NOTCH2: variants seen among roughly 807,000 people sequenced by gnomAD.
NOTCH2 encodes the protein notch receptor 2.
Under a neutral mutation model 235.8 loss-of-function variants are expected in NOTCH2, and 29 were observed. The ratio of observed to expected loss-of-function variants is 0.12; its 90% CI spans 0.09 to 0.17. The LOEUF (loss-of-function observed/expected upper bound fraction) is 0.17, where lower values mean the gene tolerates loss of function less well. Among genes scored for constraint, NOTCH2 ranks in the 10% least tolerant of loss-of-function variants. The pLI is 1.00. For synonymous variants in NOTCH2, 1,086 were observed against 1,141.5 expected (o/e 0.95, Z 0.98); for missense variants, 2,285 against 3,150.2 (o/e 0.73, Z 6.57).
At chr1:119,959,003 G>A (rs1553198689) in intron 12 of NOTCH2, among the ~76,000 whole-genome samples, 1 of 151,998 alleles carries the variant, frequency 6.6e-6, no homozygotes, top group Admixed American at 6.6e-5. Flanking sequence ...TCAAAGAGGA[G>A]GTACCCAGAA....
chr1:119,979,547 C>T (rs1570711510), intron 5 of NOTCH2, among the ~76,000 whole-genome samples: 1 of 152,254 alleles, frequency 6.6e-6, no homozygotes, highest in East Asian at 1.9e-4. Flanking sequence ...ATGGGTCCAA[C>T]ATGTAACTCC....
chr1:120,069,343 G>A lies in NOTCH2; in HGVS notation c.64C>T (p.Pro22Ser), dbSNP rs868921483. 1.2e-5 allele frequency: 19 copies of A among 1,569,862 alleles called. No individual in the cohort carries two copies. Among genetic ancestry groups the A allele is most frequent in the Non-Finnish European group, 1.5e-5 (17 of 1,166,546 alleles). The stretch of plus-strand genomic sequence containing the variant: ...TCAGCCCGATACTCACCATGCGCGG[G>A]GGCCGCGCAGCACAGCCAGAGCGCC... ...LLALWLCCAA[P>S]AHALQCRDGY... is the part of the protein sequence containing the mutation. Residue 22 changes from proline to serine, a missense_variant, in exon 1 of 34, where the codon CCC (proline) becomes TCC (serine). Physicochemically the swap from Pro to Ser is moderately conservative, Grantham distance 74 (BLOSUM62 -1). Around this residue, in one of 6 missense-constraint regions of NOTCH2, gnomAD observed 37 missense variants for 31.4 expected, o/e 1.18. Coordinates refer to ENST00000256646, the MANE Select transcript of NOTCH2 (RefSeq NM_024408.4).
rs1392835538 is a variant in NOTCH2, at chr1:119,937,924, T to C, written c.3270A>G (p.Pro1090=). The C allele has an allele frequency of 3.1e-6, 5 of 1,614,198 alleles. No homozygotes were observed. The East Asian group carries it at 8.9e-5, about 29-fold the overall frequency. ...CACAATAGGCACCAGCCCATCCAGA[T>C]GGACATAGGCACTGGGACTCTGCTT... ...QKKAESQCLC[P]SGWAGAYCDV... is the part of the protein sequence containing the mutation. The change falls in exon 20 of 34, where the codon CCA becomes CCG. Residue 1090 remains proline (P), a synonymous_variant. Transcript: ENST00000256646.
At chr1:119,923,300 A>C (rs1430036195) in intron 26 of NOTCH2, among the ~76,000 whole-genome samples, 1 of 152,156 alleles carries the variant, frequency 6.6e-6, no homozygotes, top group African/African-American at 2.4e-5. Context: ...ATATATTCTA[A>C]AGAAGGGCCT....
At chr1:120,063,563 C>T (rs1275837541) in intron 1 of NOTCH2, among the ~76,000 whole-genome samples, 1 of 152,200 alleles carries the variant, frequency 6.6e-6, no homozygotes, top group African/African-American at 2.4e-5. Context: ...AACAACTTTA[C>T]TAACCTTATA....
chr1:119,985,718 T>C (rs988761278), intron 5 of NOTCH2, among the ~76,000 whole-genome samples: 1 of 152,190 alleles, frequency 6.6e-6, no homozygotes, highest in East Asian at 1.9e-4. Flanking sequence ...CTATATGTCA[T>C]GTAATTAACT....
Position 119,940,582 on chromosome 1 carries a change from G to A in NOTCH2, c.3156C>T (p.Pro1052=). 5 of 1,613,932 alleles carry A rather than the reference G, an allele frequency of 3.1e-6. No homozygotes were observed. Among genetic ancestry groups the A allele is most frequent in the African/African-American group, 2.7e-5 (2 of 75,028 alleles). ...GACAGTTTTTCCCAGTGTAGCCCAG[G>A]GGGCAGCTGCAGCGGTAGGTACCCA... is the stretch of plus-strand genomic sequence containing the variant. ...DGLGTYRCSC[P]LGYTGKNCQT... The change falls in exon 19 of 34, where the codon CCC becomes CCT. Residue 1052 remains proline, a synonymous_variant. Transcript: ENST00000256646.
chr1:120,011,071 C>T (rs1298106384), intron 2 of NOTCH2, among the ~76,000 whole-genome samples: 2 of 152,016 alleles, frequency 1.3e-5, no homozygotes, highest in South Asian at 2.1e-4. Context: ...TATGCAAAAC[C>T]GTAGAGATAG....
intron 12 of NOTCH2, among the ~76,000 whole-genome samples, chr1:119,958,038 G>A (rs1444173956): frequency 6.6e-6 from 1 of 151,992 alleles, no homozygotes; most frequent in Non-Finnish European, 1.5e-5. Context: ...TCTCAACGTC[G>A]GTGACAATTG....
intron 2 of NOTCH2, among the ~76,000 whole-genome samples, chr1:120,011,064 G>A (rs1653171320): frequency 6.6e-6 from 1 of 152,190 alleles, no homozygotes; most frequent in African/African-American, 2.4e-5. Flanking sequence ...TCCAGAATAT[G>A]CAAAACCGTA....
At chr1:120,031,334 G>GTAA (rs67591397) in intron 1 of NOTCH2, among the ~76,000 whole-genome samples, 1 of 137,268 alleles carries the variant, frequency 7.3e-6, no homozygotes. Context: ...AATGGTAATA[G>GTAA]TAATAATAAT....
chr1:119,920,087 T>G (rs940313963), intron 30 of NOTCH2, 142 bp downstream of exon 30: 1 of 861,626 alleles, frequency 1.2e-6, no homozygotes, highest in Non-Finnish European at 1.8e-6. Context: ...CTACATTCCT[T>G]AAGCATTCAT....
chr1:119,937,064 G>C (rs1553195796), intron 21 of NOTCH2, among the ~76,000 whole-genome samples: 1 of 152,142 alleles, frequency 6.6e-6, no homozygotes, highest in African/African-American at 2.4e-5. Flanking sequence ...AAGGAGCTGG[G>C]ATGGTTCCAG....
intron 22 of NOTCH2, among the ~76,000 whole-genome samples, chr1:119,930,825 G>T (rs1487253569): frequency 1.4e-5 from 2 of 144,738 alleles, no homozygotes; most frequent in African/African-American, 5.1e-5. Flanking sequence ...CAGGCTGGGT[G>T]CAGTGGCTCA....
In NOTCH2 at chr1:119,940,685, G is replaced by A. The variant is rs1553196345; in HGVS notation, c.3053C>T (p.Thr1018Ile). Reference protein sequence around the residue: ...SFSCLCPVGFTGSFCLHEINE... With the variant: ...SFSCLCPVGFIGSFCLHEINE... Reference sequence around the variant, plus strand: ...GATCTCATGGAGGCAGAAGGATCCAGTGAAACCCACAGGGCACAAGCAAGA... The same window carrying A: ...GATCTCATGGAGGCAGAAGGATCCAATGAAACCCACAGGGCACAAGCAAGA... Residue 1018 changes from threonine to isoleucine, a missense_variant, in exon 19 of 34, where the codon ACT becomes ATT. Around this residue, in one of 6 missense-constraint regions of NOTCH2, gnomAD observed 1,173 missense variants for 1,515.3 expected, o/e 0.77. Coordinates refer to ENST00000256646, the MANE Select transcript of NOTCH2 (RefSeq NM_024408.4). 6.2e-7 allele frequency: 1 copy of A among 1,614,156 alleles called. No homozygotes were observed.
intron 2 of NOTCH2, among the ~76,000 whole-genome samples, chr1:120,023,837 TG>T (rs1464318008): frequency 6.8e-6 from 1 of 146,668 alleles, no homozygotes; most frequent in Non-Finnish European, 1.5e-5. Context: ...GTTAATGAAC[TG>T]GTAATTATTT....
At chr1:119,985,667 G>A (rs776450911) in intron 5 of NOTCH2, among the ~76,000 whole-genome samples, 5 of 152,016 alleles carry the variant, frequency 3.3e-5, no homozygotes, top group Non-Finnish European at 7.4e-5. Flanking sequence ...ATACTGTAAG[G>A]ATCATTAAAA....
At chr1:119,989,197 G>C (rs1570719747) in intron 4 of NOTCH2, among the ~76,000 whole-genome samples, 1 of 152,230 alleles carries the variant, frequency 6.6e-6, no homozygotes, top group Middle Eastern at 3.4e-3. Context: ...GGAATTAACA[G>C]GACCCACCTT....
intron 22 of NOTCH2, among the ~76,000 whole-genome samples, chr1:119,931,544 T>C (rs782287404): frequency 2.0e-4 from 30 of 151,902 alleles, no homozygotes; most frequent in Admixed American, 3.9e-4. Flanking sequence ...TCCTTAATAA[T>C]TGAAATAGAA....
Sources: gnomAD v4.1 joint callset for allele counts (sites outside exome capture counted in the v4.1 genomes callset) on GRCh38, gnomAD v4.1.1 for gene constraint, gnomAD v4.1.1 regional missense constraint, MANE v1.5 for transcripts, NCBI Gene and HGNC (gene_info 2026-07-23, HGNC 2026-07-21) for gene names.